The following RNF212 variants were observed in gnomAD, a reference collection of about 807,000 sequenced individuals.
The protein encoded by RNF212 is ring finger protein 212.
Under a neutral mutation model 34.7 loss-of-function variants are expected in RNF212, and 33 were observed. The ratio of observed to expected loss-of-function variants is 0.95; its 90% CI spans 0.72 to 1.27. The LOEUF is 1.27. Ranked by LOEUF, RNF212 falls within the 50% of genes most tolerant of loss-of-function variation. RNF212 has a pLI of 0.00. For synonymous variants in RNF212, 140 were observed against 136.1 expected (o/e 1.03, Z -0.20); for missense variants, 377 against 362.2 (o/e 1.04, Z -0.33).
chr4:1,086,305 G>C (rs933633637), intron 4 of RNF212, among the ~76,000 whole-genome samples: 1 of 151,954 alleles, frequency 6.6e-6, no homozygotes. Flanking sequence ...CTCATCCCAC[G>C]GCACAGCCTC....
intron 3 of RNF212, among the ~76,000 whole-genome samples, chr4:1,094,701 G>A (rs947794391): frequency 2.6e-5 from 4 of 152,154 alleles, no homozygotes; most frequent in African/African-American, 9.7e-5. Flanking sequence ...AGAAGGCCCT[G>A]GGTGACTGTC....
rs1306872319 is a variant in RNF212, at chr4:1,071,980, A to G, written c.*894T>C. ...ACCCTGGCACATGGACATCTATAGC[A>G]GCTTAATTCATAATTGCCAAAACTT... On this transcript the variant is annotated 3_prime_UTR_variant, in exon 10 of 10. Coordinates refer to ENST00000433731, the MANE Select transcript of RNF212 (RefSeq NM_001131034.4). The G allele has an allele frequency of 6.6e-6, 1 of 152,244 alleles. No homozygotes were observed. Among genetic ancestry groups the G allele is most frequent in the Non-Finnish European group, 1.5e-5 (1 of 68,048 alleles). The allele number at this position is 152,244 out of a possible 1,614,324, so 9.4% of individuals were successfully genotyped here.
At chr4:1,100,543 G>A (rs974101716) in intron 2 of RNF212, among the ~76,000 whole-genome samples, 1 of 151,866 alleles carries the variant, frequency 6.6e-6, no homozygotes, top group African/African-American at 2.4e-5. Context: ...AAGTAATTGG[G>A]ATTACAGGCG....
chr4:1,107,841 T>C (rs1031729055), intron 2 of RNF212, among the ~76,000 whole-genome samples: 2 of 152,262 alleles, frequency 1.3e-5, no homozygotes, highest in South Asian at 2.1e-4. Flanking sequence ...ACAACTATTA[T>C]ATTTAAATCA....
At chr4:1,064,396 C>G (rs1277501730) in intron 3 of RNF212, among the ~76,000 whole-genome samples, 1 of 152,150 alleles carries the variant, frequency 6.6e-6, no homozygotes, top group Non-Finnish European at 1.5e-5. Flanking sequence ...GATAAAGTAT[C>G]AACAGGAGAA....
chr4:1,056,451 G>A (rs889543739), exon 5 of RNF212: 2 of 952,588 alleles, frequency 2.1e-6, no homozygotes, highest in East Asian at 1.2e-4. Flanking sequence ...AGGAGGCATG[G>A]AAGTCGCGGT....
At chr4:1,081,140 C>G (rs956584939) in intron 7 of RNF212, among the ~76,000 whole-genome samples, 2 of 152,314 alleles carry the variant, frequency 1.3e-5, no homozygotes, top group East Asian at 3.9e-4. Context: ...GCCAGTTGAG[C>G]GGGGGGCACG....
chr4:1,058,301 T>A, intron 4 of RNF212: 1 of 886,850 alleles, frequency 1.1e-6, no homozygotes, highest in Non-Finnish European at 1.3e-6. Flanking sequence ...GTGAAGAAGG[T>A]GCTTGCGGGG....
chr4:1,057,428 G>A lies in RNF212; in HGVS notation n.220+893C>T, dbSNP rs550232095. Among the ~76,000 whole-genome samples the A allele has an allele frequency of 1.3e-4, 20 of 152,328 alleles. No homozygotes were observed. The East Asian group carries it at 3.9e-3, about 29-fold the overall frequency. On this transcript the variant is annotated intron_variant and non_coding_transcript_variant, in intron 4 of 4. Coordinates refer to the RNF212 transcript ENST00000503206. ...TGTGCTTAAATATGCAGCAGACGGA[G>A]TGGGAGGCCACCCAGAGGTCTGAGA...
chr4:1,103,676 A>G (rs1724377626), intron 2 of RNF212, among the ~76,000 whole-genome samples: 1 of 152,224 alleles, frequency 6.6e-6, no homozygotes, highest in African/African-American at 2.4e-5. Flanking sequence ...AGAATAAGCT[A>G]ATAAAATATT....
At chr4:1,059,771 A>G (rs1449837628) in intron 3 of RNF212, among the ~76,000 whole-genome samples, 2 of 152,282 alleles carry the variant, frequency 1.3e-5, no homozygotes, top group African/African-American at 4.8e-5. Flanking sequence ...ATCTTTTGTT[A>G]AGTAACTTAT....
At chr4:1,066,001 G>A (rs1354225322) in intron 3 of RNF212, among the ~76,000 whole-genome samples, 2 of 151,926 alleles carry the variant, frequency 1.3e-5, no homozygotes, top group Non-Finnish European at 2.9e-5. Flanking sequence ...TGTGTTCCAA[G>A]TAGCTAGGAC....
At chr4:1,087,482 T>A (rs1577718671) in intron 4 of RNF212, among the ~76,000 whole-genome samples, 1 of 32,116 alleles carries the variant, frequency 3.1e-5, no homozygotes, top group Admixed American at 4.4e-4. Flanking sequence ...CAGGATGGGG[T>A]GAGGGTGAGA....
intron 3 of RNF212, among the ~76,000 whole-genome samples, 181 bp from the exon 4 acceptor site, chr4:1,091,019 A>C (rs1001416986): frequency 6.6e-6 from 1 of 152,242 alleles, no homozygotes; most frequent in African/African-American, 2.4e-5. Flanking sequence ...AAGGGCAAAC[A>C]CAGGGGAGGC....
chr4:1,093,468 C>T (rs772363952), intron 3 of RNF212: 32 of 1,447,520 alleles, frequency 2.2e-5, no homozygotes, highest in South Asian at 2.9e-5. Context: ...CTCCACCCTG[C>T]GTTTGTGATG....
intron 8 of RNF212, among the ~76,000 whole-genome samples, chr4:1,075,946 G>C (rs939697981): frequency 6.6e-6 from 1 of 152,122 alleles, no homozygotes; most frequent in Non-Finnish European, 1.5e-5. Context: ...ACAGGCGTGA[G>C]GTACTGTGTC....
exon 5 of RNF212, chr4:1,056,395 G>C (rs1194235856): frequency 5.4e-6 from 2 of 373,436 alleles, no homozygotes; most frequent in African/African-American, 4.4e-5. Context: ...GGGTGGCTGG[G>C]TGCTCATCTT....
chr4:1,081,853 T>C, intron 5 of RNF212: 1 of 521,298 alleles, frequency 1.9e-6, no homozygotes, highest in South Asian at 2.1e-5. Context: ...TTTACATCAC[T>C]GGCTCTTACA....
At chr4:1,069,669 T>C (rs958020439), downstream of RNF212, among the ~76,000 whole-genome samples, 3 of 152,214 alleles carry the variant, frequency 2.0e-5, no homozygotes, top group African/African-American at 7.2e-5. Context: ...TGTGATGTGC[T>C]AAGCAGAGCA....
Sources: gnomAD v4.1 joint callset for allele counts (sites outside exome capture counted in the v4.1 genomes callset) on GRCh38, gnomAD v4.1.1 for gene constraint, MANE v1.5 for transcripts, NCBI Gene and HGNC (gene_info 2026-07-23, HGNC 2026-07-21) for gene names.